Variants in AFTPH observed in about 807,000 individuals in gnomAD.
The protein encoded by AFTPH is aftiphilin protein.
Under a neutral mutation model 72.5 loss-of-function variants are expected in AFTPH, and 7 were observed. The observed-to-expected ratio is 0.10, with a 90% CI of 0.05 to 0.18. The LOEUF is 0.18. Ranked by LOEUF, AFTPH falls within the 10% of genes least tolerant of loss-of-function variation. The probability of loss-of-function intolerance (pLI) is 1.00; values close to 1 mark genes in which losing one functional copy is unlikely to be tolerated. For missense variants in AFTPH, 979 were observed against 1,060.5 expected (o/e 0.92, Z 1.07); for synonymous variants, 337 against 370.1 (o/e 0.91, Z 1.03).
intron 6 of AFTPH, among the ~76,000 whole-genome samples, chr2:64,574,879 C>T (rs1672669961): frequency 6.6e-6 from 1 of 152,228 alleles, no homozygotes; most frequent in East Asian, 1.9e-4. Flanking sequence ...TTCAGAATTA[C>T]CTTTCCCACG....
At chr2:64,591,853 A>C (rs1353512127) in intron 8 of AFTPH, 35 bp from the exon 10 acceptor site, 2 of 1,611,830 alleles carry the variant, frequency 1.2e-6, no homozygotes, top group Admixed American at 3.3e-5. Context: ...GCAAAGTCAC[A>C]TTAACACACT....
intron 2 of AFTPH, among the ~76,000 whole-genome samples, chr2:64,566,012 A>G (rs955317275): frequency 2.6e-4 from 40 of 152,354 alleles, no homozygotes; most frequent in Middle Eastern, 3.4e-3. Flanking sequence ...AAAAGATAAC[A>G]AAGAGGATAC....
At chr2:64,535,113 A>C (rs1279110381) in intron 1 of AFTPH, among the ~76,000 whole-genome samples, 1 of 152,216 alleles carries the variant, frequency 6.6e-6, no homozygotes, top group Non-Finnish European at 1.5e-5. Context: ...CCAAATCATA[A>C]GAGAAAACAT....
At chr2:64,557,289 T>C (rs1248600513) in intron 2 of AFTPH, among the ~76,000 whole-genome samples, 1 of 152,196 alleles carries the variant, frequency 6.6e-6, no homozygotes, top group Non-Finnish European at 1.5e-5. Flanking sequence ...AGGTAATTGG[T>C]AAGTAATCTG....
At chr2:64,560,235 C>CT (rs752365667) in intron 2 of AFTPH, among the ~76,000 whole-genome samples, 2 of 152,076 alleles carry the variant, frequency 1.3e-5, no homozygotes, top group Non-Finnish European at 2.9e-5. Context: ...TACCCTGGGA[C>CT]TTTCTTCCAC....
Position 64,590,204 on chromosome 2 carries a change from TTTCTTA to T in AFTPH, c.2580-1678_2580-1673del, listed in dbSNP as rs544298212. 1.4e-3 allele frequency among the ~76,000 whole-genome samples: 213 copies of T among 152,340 alleles called. 1 individual carries two copies. Among genetic ancestry groups the T allele is most frequent in the African/African-American group, 5.0e-3 (208 of 41,584 alleles). On this transcript the variant is annotated intron_variant, in intron 8 of 8. Transcript: ENST00000238856. ...TAGCATATCTCCTCATTCCTTCTGTTTTCTTATTAACAGTAGCTTATATAAAGATTA... is the reference window on the plus strand; with the variant it reads ...TAGCATATCTCCTCATTCCTTCTGTTTTAACAGTAGCTTATATAAAGATTA...
At chr2:64,525,225 A>G (rs1669185125) in intron 1 of AFTPH, among the ~76,000 whole-genome samples, 1 of 152,112 alleles carries the variant, frequency 6.6e-6, no homozygotes, top group African/African-American at 2.4e-5. Flanking sequence ...TCTCCTCTCC[A>G]GTTTGCGTTT....
In AFTPH at chr2:64,585,546, GTAAA is replaced by G. The variant is rs759510713; in HGVS notation, c.2579+8_2579+11del. Reference sequence around the variant, plus strand: ...TAGAGAAGACAAGCACATCTACCAGGTAAATAAATAGTGTCAATTATACCCACAT... The same window carrying G: ...TAGAGAAGACAAGCACATCTACCAGGTAAATAGTGTCAATTATACCCACAT... On this transcript the variant is annotated splice_donor_variant and splice_donor_5th_base_variant and intron_variant, in intron 8 of 8. Coordinates refer to ENST00000238856, the Ensembl canonical transcript of AFTPH. LOFTEE classifies it high-confidence loss of function. The G allele has an allele frequency of 2.4e-5, 39 of 1,603,200 alleles. No individual in the cohort carries two copies. Among genetic ancestry groups the G allele is most frequent in the Middle Eastern group, 1.7e-4 (1 of 6,048 alleles).
rs571047160 is a variant in AFTPH at position 64,557,628 on chromosome 2, GA to G, written c.1935+4222del. Among the ~76,000 whole-genome samples the G allele has an allele frequency of 1.7e-3, 262 of 152,268 alleles. 1 individual carries two copies. The highest frequency in any genetic ancestry group is 6.1e-3 in the African/African-American group (255 of 41,560). ...CCAAGTAGCTGTGATTACAGGCATA[GA>G]AACTCAGTGTTCTTAAACTGAATAT... On this transcript the variant is annotated intron_variant, in intron 2 of 8. Transcript: ENST00000238856.
In AFTPH at chr2:64,524,482, T is replaced by C; in HGVS notation, c.-163T>C. The stretch of plus-strand genomic sequence containing the variant: ...GTGGGCGTCCATGGTGCTGCTGCGC[T>C]GACAGGGCTGTGAGCAGCCGGCCTT... On this transcript the variant is annotated 5_prime_UTR_variant, in exon 1 of 9. An upstream open reading frame in the 5' UTR loses its in-frame stop. Transcript: ENST00000238856. The C allele has an allele frequency of 2.5e-6, 1 of 401,004 alleles. No homozygotes were observed. Among genetic ancestry groups the C allele is most frequent in the Non-Finnish European group, 4.4e-6 (1 of 227,082 alleles). 24.8% of individuals were successfully genotyped at this position (401,004 alleles called of 1,614,324 possible). A position where few individuals can be genotyped will look rare whatever the true frequency, so the allele number is the denominator to read the frequency against.
In AFTPH at chr2:64,547,290, T is replaced by C. The variant is rs141847073; in HGVS notation, c.-32-4153T>C. ...CTTGACTTTCATGAGCTTGATACTT[T>C]TGAAGATTACAGGCCAGTAATTTTG... On this transcript the variant is annotated intron_variant, in intron 1 of 8. Transcript: ENST00000238856. 6.8e-3 allele frequency among the ~76,000 whole-genome samples: 1,035 copies of C among 152,300 alleles called. 5 individuals carry two copies. Among genetic ancestry groups the C allele is most frequent in the Non-Finnish European group, 9.8e-3 (669 of 68,018 alleles).
At chr2:64,583,316 TAAA>T (rs11395165) in intron 7 of AFTPH, among the ~76,000 whole-genome samples, 2 of 141,888 alleles carry the variant, frequency 1.4e-5, no homozygotes, top group Admixed American at 7.0e-5. Flanking sequence ...AAGGCTCTGT[TAAA>T]AAAAAAAAAA....
chr2:64,548,422 A>AG, intron 1 of AFTPH, among the ~76,000 whole-genome samples: 9 of 149,814 alleles, frequency 6.0e-5, no homozygotes, highest in African/African-American at 2.2e-4. Flanking sequence ...AAAAAAAAAA[A>AG]AAAAAAAAAA....
exon 6 of AFTPH, chr2:64,572,975 G>A (rs761251425): frequency 6.2e-7 from 1 of 1,614,034 alleles, no homozygotes; most frequent in South Asian, 1.1e-5. Flanking sequence ...AGGAACCACT[G>A]AAACCACTTT....
chr2:64,526,961 T>G (rs920965220), intron 1 of AFTPH, among the ~76,000 whole-genome samples: 2 of 152,210 alleles, frequency 1.3e-5, no homozygotes, highest in Non-Finnish European at 2.9e-5. Context: ...AAGTGACAGA[T>G]CCGTTTGCTA....
chr2:64,557,569 T>C (rs996083707), intron 2 of AFTPH, among the ~76,000 whole-genome samples: 2 of 152,198 alleles, frequency 1.3e-5, no homozygotes, highest in Non-Finnish European at 2.9e-5. Flanking sequence ...AGCCTATGCC[T>C]CCTGAGTTCA....
intron 1 of AFTPH, among the ~76,000 whole-genome samples, chr2:64,535,048 C>G (rs1208513423): frequency 2.0e-5 from 3 of 152,088 alleles, no homozygotes; most frequent in Non-Finnish European, 4.4e-5. Flanking sequence ...TGTTAAGTTT[C>G]TTAGTGCTAG....
In AFTPH at chr2:64,591,526, A is replaced by G. The variant is rs74796246; in HGVS notation, c.2580-359A>G. On this transcript the variant is annotated intron_variant, in intron 8 of 8. Transcript: ENST00000238856. ...GAAAAACCCAGTTAGGTGGAGTGTTACTAAGGCTTCAGATTTATATTTCTG... is the reference window on the plus strand; with the variant it reads ...GAAAAACCCAGTTAGGTGGAGTGTTGCTAAGGCTTCAGATTTATATTTCTG... Among the ~76,000 whole-genome samples, 1,228 of 152,312 alleles carry G rather than the reference A, an allele frequency of 8.1e-3. 10 individuals carry two copies. The highest frequency in any genetic ancestry group is 0.028 in the African/African-American group (1,181 of 41,582).
At chr2:64,576,445 A>C (rs1007026720) in intron 6 of AFTPH, among the ~76,000 whole-genome samples, 1 of 152,010 alleles carries the variant, frequency 6.6e-6, no homozygotes, top group Non-Finnish European at 1.5e-5. Context: ...TAACTATTGC[A>C]TCTCTTGTTT....
Sources: gnomAD v4.1 joint callset for allele counts (sites outside exome capture counted in the v4.1 genomes callset) on GRCh38, gnomAD v4.1.1 for gene constraint, MANE v1.5 for transcripts, NCBI Gene and HGNC (gene_info 2026-07-23, HGNC 2026-07-21) for gene names.